ADTRP: variants seen among roughly 807,000 people sequenced by gnomAD.
ADTRP encodes the protein androgen-dependent TFPI-regulating protein.
ADTRP carries 20 observed loss-of-function variants against 27.0 expected under a neutral mutation model. That is an observed-to-expected ratio of 0.74 (90% CI 0.52 to 1.08). The LOEUF (loss-of-function observed/expected upper bound fraction) is 1.08, where lower values mean the gene tolerates loss of function less well. Ranked by LOEUF, ADTRP falls within the 50% of genes least tolerant of loss-of-function variation. The pLI is 0.00. For synonymous variants in ADTRP, 101 were observed against 105.2 expected, an observed-to-expected ratio of 0.96 and a Z score of 0.25; for missense variants, 251 against 275.0, an observed-to-expected ratio of 0.91 and a Z score of 0.62.
At chr6:11,731,972 G>T (rs1249830295) in intron 4 of ADTRP, among the ~76,000 whole-genome samples, 1 of 151,976 alleles carries the variant, frequency 6.6e-6, no homozygotes, top group African/African-American at 2.4e-5. Flanking sequence ...CTATTTTTTT[G>T]CTCCTCACCA....
chr6:11,714,435 CTT>C lies in ADTRP; in HGVS notation c.*41_*42del, dbSNP rs1405129771. 6.4e-7 allele frequency: 1 copy of C among 1,557,532 alleles called. No homozygotes were observed. The highest frequency in any genetic ancestry group is 8.8e-7 in the Non-Finnish European group (1 of 1,142,572). On this transcript the variant is annotated 3_prime_UTR_variant, in exon 6 of 6. Coordinates refer to ENST00000414691, the MANE Select transcript of ADTRP (RefSeq NM_032744.4). ...AAAAAAAAAAAGATGAGAAAAATCT[CTT>C]GTGTTTTCTTCTTTCTTGGTTCTTG...
At chr6:11,732,379 C>T (rs1031742463) in intron 4 of ADTRP, among the ~76,000 whole-genome samples, 1 of 152,186 alleles carries the variant, frequency 6.6e-6, no homozygotes, top group African/African-American at 2.4e-5. Flanking sequence ...ACTGTCCAAA[C>T]TGGCACATCT....
Position 11,758,577 on chromosome 6 carries a change from G to GGGA in ADTRP, c.390+7696_390+7697insTCC, listed in dbSNP as rs1554114782. 5.0e-5 allele frequency among the ~76,000 whole-genome samples: 6 copies of GGGA among 120,372 alleles called. 1 individual carries two copies. The highest frequency in any genetic ancestry group is 1.0e-4 in the Non-Finnish European group (6 of 57,234). The allele number at this position is 120,372 out of a possible 152,430, so 79.0% of individuals were successfully genotyped here. ...ACACACCGGGGACTGTTGTGGGGTGGGGGGGGGGGACGGATAGCATTAGGA... is the reference window on the plus strand; with the variant it reads ...ACACACCGGGGACTGTTGTGGGGTGGGGAGGGGGGGGGACGGATAGCATTAGGA... On this transcript the variant is annotated intron_variant, in intron 3 of 5. Transcript: ENST00000414691.
At position 11,723,501 on chromosome 6, in the gene ADTRP, C is replaced by T; in HGVS notation, c.507-1G>A. The T allele has an allele frequency of 6.2e-7, 1 of 1,613,324 alleles. No individual in the cohort carries two copies. Among genetic ancestry groups the T allele is most frequent in the Non-Finnish European group, 8.5e-7 (1 of 1,179,828 alleles). ...CGTCTCAAAGTAGAGCCATAGGATG[C>T]TGCAGGAAATAAGAAGTCGTGGTGG... On this transcript the variant is annotated splice_acceptor_variant, in intron 4 of 5. Coordinates refer to ENST00000414691, the MANE Select transcript of ADTRP (RefSeq NM_032744.4). LOFTEE classifies it high-confidence loss of function.
Position 11,752,411 on chromosome 6 carries a change from G to T in ADTRP, c.390+13863C>A, listed in dbSNP as rs150658030. 6.0e-3 allele frequency among the ~76,000 whole-genome samples: 914 copies of T among 152,186 alleles called. 25 individuals carry two copies. The highest frequency in any genetic ancestry group is 0.043 in the Admixed American group (663 of 15,282). On this transcript the variant is annotated intron_variant, in intron 3 of 5. Coordinates refer to ENST00000414691, the MANE Select transcript of ADTRP (RefSeq NM_032744.4). ...ATTCAGAAGCAAGCTGTTGATCCATGAATTTTAAGGTCATGGATCAACAGG... is the reference window on the plus strand; with the variant it reads ...ATTCAGAAGCAAGCTGTTGATCCATTAATTTTAAGGTCATGGATCAACAGG...
chr6:11,756,683 T>A (rs1022033163), intron 3 of ADTRP, among the ~76,000 whole-genome samples: 6 of 152,326 alleles, frequency 3.9e-5, no homozygotes, highest in South Asian at 4.1e-4. Flanking sequence ...AAATTTATTT[T>A]TTTTTCTGAC....
At chr6:11,735,951 CT>C (rs957727852) in intron 3 of ADTRP, 179 of 296,840 alleles carry the variant, frequency 6.0e-4, no homozygotes, top group South Asian at 1.2e-3. Context: ...CCTCTCCCTA[CT>C]TTTTTTTGGC....
intron 3 of ADTRP, among the ~76,000 whole-genome samples, chr6:11,756,870 C>T (rs775233358): frequency 4.6e-4 from 70 of 152,058 alleles, no homozygotes; most frequent in Non-Finnish European, 8.5e-4. Flanking sequence ...GCAAGGTGAG[C>T]GGTTTGTAGA....
intron 3 of ADTRP, among the ~76,000 whole-genome samples, chr6:11,752,079 G>A (rs1361916009): frequency 1.3e-5 from 2 of 152,108 alleles, no homozygotes; most frequent in Non-Finnish European, 2.9e-5. Context: ...TGAATCCGAG[G>A]ATTACTTTTG....
At chr6:11,735,935 T>A in intron 3 of ADTRP, 1 of 335,412 alleles carries the variant, frequency 3.0e-6, no homozygotes, top group Middle Eastern at 8.3e-4. Flanking sequence ...TATTGCCCAC[T>A]GCTCCCCTCT....
chr6:11,718,079 C>A (rs560569857), intron 5 of ADTRP, among the ~76,000 whole-genome samples: 24 of 152,342 alleles, frequency 1.6e-4, no homozygotes, highest in Admixed American at 1.5e-3. Context: ...TGGTTTATGG[C>A]AAATAATATT....
rs534527152 is a variant in ADTRP, at chr6:11,714,276, A to G, written c.*202T>C. ...TGAGATAGCAGGAGTTGTTTTTGGCATGTGCAGTCAACCTTTCAAAAAACC... is the reference window on the plus strand; with the variant it reads ...TGAGATAGCAGGAGTTGTTTTTGGCGTGTGCAGTCAACCTTTCAAAAAACC... On this transcript the variant is annotated 3_prime_UTR_variant, in exon 6 of 6. Transcript: ENST00000414691. 6.9e-6 allele frequency: 4 copies of G among 581,474 alleles called. No individual in the cohort carries two copies. In the African/African-American group the frequency reaches 7.7e-5, roughly 11 times the overall value. 36.0% of individuals were successfully genotyped at this position (581,474 alleles called of 1,614,324 possible).
At chr6:11,714,732 T>C (rs1200049687) in intron 5 of ADTRP, among the ~76,000 whole-genome samples, 2 of 152,216 alleles carry the variant, frequency 1.3e-5, no homozygotes, top group Admixed American at 1.3e-4. Context: ...GGGTTCACAG[T>C]TAGCCAGGCA....
intron 3 of ADTRP, among the ~76,000 whole-genome samples, chr6:11,746,726 G>GCAC (rs1762877407): frequency 6.6e-6 from 1 of 152,218 alleles, no homozygotes; most frequent in South Asian, 2.1e-4. Flanking sequence ...TCAGGCATGA[G>GCAC]CACCAAATCT....
At chr6:11,759,461 T>A (rs1261827776) in intron 3 of ADTRP, among the ~76,000 whole-genome samples, 1 of 152,184 alleles carries the variant, frequency 6.6e-6, no homozygotes, top group Admixed American at 6.5e-5. Context: ...ATATATGTAG[T>A]GCCTTACTTT....
intron 3 of ADTRP, among the ~76,000 whole-genome samples, chr6:11,749,125 C>G (rs1762961249): frequency 6.6e-6 from 1 of 152,096 alleles, no homozygotes; most frequent in Non-Finnish European, 1.5e-5. Context: ...AGAAAGTGAA[C>G]AGATTTGCTA....
chr6:11,723,199 C>A lies in ADTRP; in HGVS notation c.658+150G>T. 16 of 1,118,402 alleles carry A rather than the reference C, an allele frequency of 1.4e-5. No individual in the cohort carries two copies. In the South Asian group the frequency reaches 2.4e-4, roughly 17 times the overall value. 69.3% of individuals were successfully genotyped at this position (1,118,402 alleles called of 1,614,324 possible). On this transcript the variant is annotated intron_variant, in intron 5 of 5. Coordinates refer to ENST00000414691, the MANE Select transcript of ADTRP (RefSeq NM_032744.4). The stretch of plus-strand genomic sequence containing the variant: ...ACGCTGTCCTCTTGCCTTGGCAGGA[C>A]CTCTTGGCAGGACCTGTCTGAGTAC...
chr6:11,767,308 G>A (rs985603705), intron 2 of ADTRP, among the ~76,000 whole-genome samples: 2 of 152,146 alleles, frequency 1.3e-5, no homozygotes, highest in East Asian at 3.9e-4. Flanking sequence ...ACCCCAGTCT[G>A]GGCAACAGAG....
chr6:11,752,194 A>G (rs1763078511), intron 3 of ADTRP, among the ~76,000 whole-genome samples: 1 of 151,960 alleles, frequency 6.6e-6, no homozygotes. Context: ...GGGAATTTCC[A>G]TTACTTTCTT....
Sources: allele counts gnomAD v4.1 joint callset (sites outside exome capture counted in the v4.1 genomes callset), GRCh38; gene constraint gnomAD v4.1.1; transcripts MANE v1.5; gene names NCBI Gene and HGNC (gene_info 2026-07-23, HGNC 2026-07-21).